The following ATP6V1E1 variants were observed in gnomAD, a reference collection of about 807,000 sequenced individuals.
The protein encoded by ATP6V1E1 is ATPase H+ transporting V1 subunit E1.
Under a neutral mutation model 35.2 loss-of-function variants are expected in ATP6V1E1, and 21 were observed. The observed-to-expected ratio is 0.60, with a 90% confidence interval of 0.42 to 0.86. The LOEUF is 0.86. ATP6V1E1 is among the 40% of genes least tolerant of loss of function. The probability of loss-of-function intolerance (pLI) is 0.00; values close to 1 mark genes in which losing one functional copy is unlikely to be tolerated. For missense variants in ATP6V1E1, 183 were observed against 272.6 expected (o/e 0.67, Z 2.32); for synonymous variants, 83 against 87.8 (o/e 0.95, Z 0.30).
intron 4 of ATP6V1E1, among the ~76,000 whole-genome samples, chr22:17,609,859 A>C (rs1330774732): frequency 1.3e-5 from 2 of 152,230 alleles, no homozygotes; most frequent in Non-Finnish European, 2.9e-5. Context: ...AACTGTATGA[A>C]TATTCCAGAG....
chr22:17,628,641 G>C lies in ATP6V1E1; in HGVS notation c.-6C>G, dbSNP rs746844848. On this transcript the variant is annotated 5_prime_UTR_variant, in exon 1 of 9. Coordinates refer to ENST00000253413, the MANE Select transcript of ATP6V1E1 (RefSeq NM_001696.4). ...TCAGCATCGCTGAGAGCCATGGCGA[G>C]AGCAATGCTAGGCCGGTGAACAGTA... is the stretch of plus-strand genomic sequence containing the variant. The C allele has an allele frequency of 2.5e-6, 4 of 1,614,200 alleles. No homozygotes were observed. The highest frequency in any genetic ancestry group is 3.4e-6 in the Non-Finnish European group (4 of 1,180,044).
rs149058229 is a variant in ATP6V1E1, at chr22:17,623,743, C to A, written c.34-4217G>T. 6.1e-3 allele frequency among the ~76,000 whole-genome samples: 926 copies of A among 152,214 alleles called. 13 individuals carry two copies. The highest frequency in any genetic ancestry group is 0.021 in the African/African-American group (881 of 41,526). On this transcript the variant is annotated intron_variant, in intron 1 of 8. Coordinates refer to ENST00000253413, the MANE Select transcript of ATP6V1E1 (RefSeq NM_001696.4). ...ACAAGTTTGGCCTCTAAAGGTGAAC[C>A]CTGATTCGGACCTGGATTATCTGCC...
At chr22:17,623,161 CAA>C (rs2060606797) in intron 1 of ATP6V1E1, among the ~76,000 whole-genome samples, 1 of 151,960 alleles carries the variant, frequency 6.6e-6, no homozygotes, top group African/African-American at 2.4e-5. Flanking sequence ...TTTAAGGAGA[CAA>C]AAAGTTATGA....
chr22:17,592,687 T>C lies in ATP6V1E1; in HGVS notation c.668A>G (p.Lys223Arg). 6.2e-7 allele frequency: 1 copy of C among 1,614,074 alleles called. No homozygotes were observed. The highest frequency in any genetic ancestry group is 1.1e-5 in the South Asian group (1 of 91,074). Residue 223 changes from lysine to arginine, a missense_variant, in exon 9 of 9, where the codon AAG becomes AGG. Lys to Arg is a conservative substitution (Grantham distance 26). Transcript: ENST00000253413. ...GALFGANANR[K>R]FLD ...CCTCCTGAAGGCTTAGTCCAAAAAC[T>C]TCCTGTTGGCATTTGCACCAAACAA... is the stretch of plus-strand genomic sequence containing the variant.
chr22:17,597,371 G>A (rs1252463727), intron 7 of ATP6V1E1, among the ~76,000 whole-genome samples: 1 of 151,878 alleles, frequency 6.6e-6, no homozygotes, highest in Non-Finnish European at 1.5e-5. Flanking sequence ...AGTTTCTACT[G>A]CCTACCCCAG....
chr22:17,597,922 C>T (rs2057740673), intron 7 of ATP6V1E1: 1 of 397,910 alleles, frequency 2.5e-6, no homozygotes, highest in Non-Finnish European at 4.6e-6. Context: ...TGTGATCCAC[C>T]TGCCTCAGCC....
intron 8 of ATP6V1E1, among the ~76,000 whole-genome samples, chr22:17,593,162 G>A (rs749034566): frequency 4.6e-5 from 7 of 151,914 alleles, no homozygotes; most frequent in South Asian, 4.1e-4. Flanking sequence ...ACAAAGCCAC[G>A]CACATCAAAG....
intron 6 of ATP6V1E1, among the ~76,000 whole-genome samples, chr22:17,599,757 T>TA (rs1253202103): frequency 1.3e-5 from 2 of 150,372 alleles, no homozygotes; most frequent in African/African-American, 4.9e-5. Context: ...CTCCCTCTAC[T>TA]AAAAATACAA....
chr22:17,628,714 G>C lies in ATP6V1E1; in HGVS notation c.-79C>G. ...GTGAGGTGAGAGAAATCGGCAAAGG[G>C]AACCCCTGCGCAGATCTCGGGTTCC... On this transcript the variant is annotated 5_prime_UTR_variant, in exon 1 of 9. Transcript: ENST00000253413. The C allele has an allele frequency of 6.3e-7, 1 of 1,585,784 alleles. No homozygotes were observed. The highest frequency in any genetic ancestry group is 8.7e-7 in the Non-Finnish European group (1 of 1,154,876).
chr22:17,602,932 T>C (rs751391079), intron 4 of ATP6V1E1, among the ~76,000 whole-genome samples: 97 of 152,212 alleles, frequency 6.4e-4, no homozygotes, highest in Admixed American at 1.1e-3. Flanking sequence ...GTAATCATAC[T>C]GTATGATAGT....
intron 4 of ATP6V1E1, among the ~76,000 whole-genome samples, chr22:17,611,336 C>T (rs1233544257): frequency 2.6e-5 from 4 of 152,322 alleles, no homozygotes; most frequent in South Asian, 2.1e-4. Flanking sequence ...ATGAACTAAT[C>T]CCATGTGGCA....
At chr22:17,610,453 AG>A (rs1266556553) in intron 4 of ATP6V1E1, among the ~76,000 whole-genome samples, 3 of 152,198 alleles carry the variant, frequency 2.0e-5, no homozygotes, top group African/African-American at 7.2e-5. Context: ...ATAATATGTT[AG>A]ATGATCTTTC....
intron 4 of ATP6V1E1, among the ~76,000 whole-genome samples, chr22:17,608,519 G>A (rs2057797140): frequency 6.6e-6 from 1 of 152,100 alleles, no homozygotes; most frequent in Non-Finnish European, 1.5e-5. Context: ...TCAAACTCTT[G>A]GGCTCAAGTG....
intron 4 of ATP6V1E1, among the ~76,000 whole-genome samples, chr22:17,606,894 C>T (rs1190836333): frequency 1.3e-5 from 2 of 152,206 alleles, no homozygotes; most frequent in African/African-American, 4.8e-5. Context: ...GTTCCCTTGG[C>T]TTCTCTGTAT....
chr22:17,619,179 C>T (rs1251403110), intron 2 of ATP6V1E1: 1 of 465,940 alleles, frequency 2.1e-6, no homozygotes, highest in African/African-American at 2.0e-5. Flanking sequence ...GTAATCTCAG[C>T]TACTCGGGAG....
intron 4 of ATP6V1E1, among the ~76,000 whole-genome samples, chr22:17,607,091 C>G (rs1377618230): frequency 6.6e-6 from 1 of 152,130 alleles, no homozygotes; most frequent in African/African-American, 2.4e-5. Context: ...AGAGCTTCAC[C>G]TGGAATCCTA....
chr22:17,628,322 C>A (rs896292295), intron 1 of ATP6V1E1, among the ~76,000 whole-genome samples: 3 of 152,202 alleles, frequency 2.0e-5, no homozygotes, highest in African/African-American at 4.8e-5. Flanking sequence ...CAGTGAATAC[C>A]CTTGGAAAAC....
In ATP6V1E1 at chr22:17,628,714, G is replaced by T; in HGVS notation, c.-79C>A. On this transcript the variant is annotated 5_prime_UTR_variant, in exon 1 of 9. Coordinates refer to ENST00000253413, the MANE Select transcript of ATP6V1E1 (RefSeq NM_001696.4). The stretch of plus-strand genomic sequence containing the variant: ...GTGAGGTGAGAGAAATCGGCAAAGG[G>T]AACCCCTGCGCAGATCTCGGGTTCC... 2 of 1,585,784 alleles carry T rather than the reference G, an allele frequency of 1.3e-6. No homozygotes were observed. The highest frequency in any genetic ancestry group is 1.3e-5 in the African/African-American group (1 of 74,204).
intron 1 of ATP6V1E1, among the ~76,000 whole-genome samples, chr22:17,620,385 G>A (rs1190708570): frequency 1.3e-5 from 2 of 151,764 alleles, no homozygotes; most frequent in Non-Finnish European, 2.9e-5. Context: ...CTGGCCCTGT[G>A]ATCCGCCCGC....
Sources: gnomAD v4.1 joint callset for allele counts (sites outside exome capture counted in the v4.1 genomes callset) on GRCh38, gnomAD v4.1.1 for gene constraint, MANE v1.5 for transcripts, NCBI Gene and HGNC (gene_info 2026-07-23, HGNC 2026-07-21) for gene names.